GABRG3: variants seen among roughly 807,000 people sequenced by gnomAD.
The protein encoded by GABRG3 is gamma-aminobutyric acid type A receptor subunit gamma3, also known as gamma-aminobutyric acid receptor subunit gamma-3.
In GABRG3, 25 loss-of-function variants were observed where a neutral mutation model predicts 48.8. The observed-to-expected ratio is 0.51, with a 90% CI of 0.37 to 0.72. The LOEUF is 0.72. GABRG3 is among the 30% of genes least tolerant of loss of function. The probability of loss-of-function intolerance (pLI) is 0.00; values close to 1 mark genes in which losing one functional copy is unlikely to be tolerated. For synonymous variants in GABRG3, 227 were observed against 217.6 expected (o/e 1.04, Z -0.38); for missense variants, 394 against 577.9 (o/e 0.68, Z 3.26).
chr15:27,191,631 G>C lies in GABRG3; in HGVS notation c.271-135178G>C, dbSNP rs555507678. ...CTATGTGTGTCTCTGCATGTGAGAT[G>C]GGTTTCCTGAATACAACACACTGAT... On this transcript the variant is annotated intron_variant, in intron 3 of 9. Coordinates refer to ENST00000615808, the MANE Select transcript of GABRG3 (RefSeq NM_033223.5). Among the ~76,000 whole-genome samples the C allele has an allele frequency of 1.5e-3, 223 of 152,186 alleles. 1 individual carries two copies. The highest frequency in any genetic ancestry group is 2.4e-3 in the Non-Finnish European group (164 of 68,004).
rs1010418308 is a variant in GABRG3 at position 27,535,369 on chromosome 15, C to T, written c.*2488C>T. 1 of 152,198 alleles carries T rather than the reference C, an allele frequency of 6.6e-6. No homozygotes were observed. The highest frequency in any genetic ancestry group is 1.5e-5 in the Non-Finnish European group (1 of 68,044). 9.4% of individuals were successfully genotyped at this position (152,198 alleles called of 1,614,324 possible). Reference sequence around the variant, plus strand: ...ACTGATGCCTTGTGTTTCAAAACCACTCAACATTTGGATATTGTTAGCAAC... The same window carrying T: ...ACTGATGCCTTGTGTTTCAAAACCATTCAACATTTGGATATTGTTAGCAAC... On this transcript the variant is annotated 3_prime_UTR_variant, in exon 10 of 10. Transcript: ENST00000615808.
At chr15:27,466,678 G>T (rs187114129) in intron 5 of GABRG3, among the ~76,000 whole-genome samples, 2 of 152,290 alleles carry the variant, frequency 1.3e-5, no homozygotes, top group South Asian at 2.1e-4. Flanking sequence ...TTTCTCTGAG[G>T]CTGCTGCTCC....
intron 3 of GABRG3, among the ~76,000 whole-genome samples, chr15:27,079,871 G>A (rs773757582): frequency 6.6e-6 from 1 of 152,058 alleles, no homozygotes; most frequent in Non-Finnish European, 1.5e-5. Context: ...AAATCAGCCC[G>A]CACTTTCTCA....
Position 27,436,995 on chromosome 15 carries a change from TAGAGAG to T in GABRG3, c.575-43622_575-43617del, listed in dbSNP as rs10549691. Among the ~76,000 whole-genome samples the T allele has an allele frequency of 6.8e-3, 888 of 130,564 alleles. 2 individuals carry two copies. The highest frequency in any genetic ancestry group is 0.015 in the African/African-American group (529 of 35,304). The allele number at this position is 130,564 out of a possible 152,430, so 85.7% of individuals were successfully genotyped here. A position where few individuals can be genotyped will look rare whatever the true frequency, so the allele number is the denominator to read the frequency against. ...TGGGTGAGACTCCTTCTCCGAAAAA[TAGAGAG>T]AGAGAGAGAGAGAGAGAGAGAGAGA... On this transcript the variant is annotated intron_variant, in intron 5 of 9. Transcript: ENST00000615808.
intron 3 of GABRG3, among the ~76,000 whole-genome samples, chr15:27,266,089 A>G (rs975698230): frequency 2.6e-5 from 4 of 152,058 alleles, no homozygotes; most frequent in African/African-American, 9.7e-5. Flanking sequence ...CATGTTGGTC[A>G]GGCTGGTCTT....
In GABRG3 at chr15:27,541,793, G is replaced by A. The variant is rs1891665504; in HGVS notation, c.*8912G>A. 1 of 152,192 alleles carries A rather than the reference G, an allele frequency of 6.6e-6. No homozygotes were observed. Among genetic ancestry groups the A allele is most frequent in the African/African-American group, 2.4e-5 (1 of 41,452 alleles). 9.4% of individuals were successfully genotyped at this position (152,192 alleles called of 1,614,324 possible). A position where few individuals can be genotyped will look rare whatever the true frequency, so the allele number is the denominator to read the frequency against. On this transcript the variant is annotated 3_prime_UTR_variant, in exon 10 of 10. Transcript: ENST00000615808. ...CTCCCCGCTATCCGTGCGGCTCGTGGTGTCCTAGTGAAATGAGGGCGCACT... is the reference window on the plus strand; with the variant it reads ...CTCCCCGCTATCCGTGCGGCTCGTGATGTCCTAGTGAAATGAGGGCGCACT...
intron 5 of GABRG3, 41 bp from the exon 6 acceptor site, chr15:27,480,609 A>ATG: frequency 6.6e-7 from 1 of 1,506,522 alleles, no homozygotes; most frequent in Non-Finnish European, 9.1e-7. Context: ...TGATTTATAA[A>ATG]TGTGTACCTT....
Position 27,306,585 on chromosome 15 carries a change from C to CAT in GABRG3, c.271-20220_271-20219dup, listed in dbSNP as rs1204220863. ...ATAAACATATATGTTTATATATAAA[C>CAT]ATATAATATAAACATATGTTTATAT... On this transcript the variant is annotated intron_variant, in intron 3 of 9. Transcript: ENST00000615808. 3.6e-3 allele frequency among the ~76,000 whole-genome samples: 155 copies of CAT among 42,514 alleles called. 3 individuals are homozygous for CAT. Among genetic ancestry groups the CAT allele is most frequent in the Middle Eastern group, 0.062 (2 of 32 alleles). The allele number at this position is 42,514 out of a possible 152,430, so 27.9% of individuals were successfully genotyped here. A position where few individuals can be genotyped will look rare whatever the true frequency, so the allele number is the denominator to read the frequency against.
At chr15:27,259,481 TGTCTCAAAGC>T (rs1392750037) in intron 3 of GABRG3, among the ~76,000 whole-genome samples, 3 of 152,192 alleles carry the variant, frequency 2.0e-5, no homozygotes, top group African/African-American at 7.2e-5. Context: ...GCTCTCCTGT[TGTCTCAAAGC>T]CTTGAGAATG....
intron 5 of GABRG3, among the ~76,000 whole-genome samples, chr15:27,460,842 C>A (rs1011146707): frequency 6.6e-5 from 10 of 152,152 alleles, no homozygotes; most frequent in Admixed American, 4.6e-4. Context: ...TGCCTTCCAG[C>A]CCATCCATTT....
intron 5 of GABRG3, among the ~76,000 whole-genome samples, chr15:27,464,652 A>G (rs925637017): frequency 6.6e-6 from 1 of 152,140 alleles, no homozygotes; most frequent in Non-Finnish European, 1.5e-5. Flanking sequence ...AATCCTAGCC[A>G]TCCTAGCGGG....
chr15:27,317,366 G>A (rs988320322), intron 3 of GABRG3, among the ~76,000 whole-genome samples: 1 of 152,180 alleles, frequency 6.6e-6, no homozygotes, highest in African/African-American at 2.4e-5. Context: ...AGCTAATCCT[G>A]TTTGTTTTTA....
chr15:27,173,038 G>C (rs419713), intron 3 of GABRG3, among the ~76,000 whole-genome samples: 6,417 of 152,238 alleles, frequency 0.042, 456 homozygotes, highest in African/African-American at 0.15. Flanking sequence ...ATTCATCTGT[G>C]AATGCACTTA....
chr15:27,050,714 A>C (rs150350202), intron 3 of GABRG3, among the ~76,000 whole-genome samples: 1,540 of 152,110 alleles, frequency 0.01, 32 homozygotes, highest in African/African-American at 0.035. Flanking sequence ...TATTTTTATA[A>C]ACTTTTTAAA....
intron 3 of GABRG3, among the ~76,000 whole-genome samples, chr15:27,312,396 T>C (rs899639896): frequency 6.6e-6 from 1 of 152,100 alleles, no homozygotes; most frequent in African/African-American, 2.4e-5. Flanking sequence ...AAACAGTAGC[T>C]AATTTTTTTC....
intron 3 of GABRG3, among the ~76,000 whole-genome samples, chr15:27,224,937 T>C (rs1889564637): frequency 6.6e-6 from 1 of 151,584 alleles, no homozygotes; most frequent in African/African-American, 2.4e-5. Context: ...GAGCTGAACA[T>C]GGTCACTCAG....
At chr15:27,258,764 C>G (rs1223996555) in intron 3 of GABRG3, among the ~76,000 whole-genome samples, 3 of 152,310 alleles carry the variant, frequency 2.0e-5, no homozygotes, top group East Asian at 3.9e-4. Context: ...TCACAATCCT[C>G]TCTTCCAGCT....
chr15:27,472,085 T>A (rs940496219), intron 5 of GABRG3, among the ~76,000 whole-genome samples: 1 of 152,214 alleles, frequency 6.6e-6, no homozygotes, highest in East Asian at 1.9e-4. Context: ...TATGCAAGAA[T>A]ATAGTGTGTC....
chr15:27,239,884 C>G (rs1189573601), intron 3 of GABRG3, among the ~76,000 whole-genome samples: 1 of 152,196 alleles, frequency 6.6e-6, no homozygotes, highest in Non-Finnish European at 1.5e-5. Flanking sequence ...GATCTCTTCA[C>G]ATTATAAACC....
Sources: allele counts gnomAD v4.1 joint callset (sites outside exome capture counted in the v4.1 genomes callset), GRCh38; gene constraint gnomAD v4.1.1; transcripts MANE v1.5; gene names NCBI Gene and HGNC (gene_info 2026-07-23, HGNC 2026-07-21).